EGLN1: variants seen among roughly 807,000 people sequenced by gnomAD.
EGLN1 encodes egl nine homolog 1.
A neutral mutation model predicts 38.3 loss-of-function variants in EGLN1; 17 were observed. The ratio of observed to expected loss-of-function variants is 0.44; its 90% CI spans 0.30 to 0.67. The LOEUF is 0.67. Ranked by LOEUF, EGLN1 falls within the 30% of genes least tolerant of loss-of-function variation. The probability of loss-of-function intolerance (pLI) is 0.08; values close to 1 mark genes in which losing one functional copy is unlikely to be tolerated. For missense variants in EGLN1, 477 were observed against 603.3 expected (o/e 0.79, Z 2.19); for synonymous variants, 283 against 257.5 (o/e 1.10, Z -0.95).
At position 231,421,552 on chromosome 1, in the gene EGLN1, T is replaced by C; in HGVS notation, c.337A>G (p.Lys113Glu). 1 of 1,309,494 alleles carries C rather than the reference T, an allele frequency of 7.6e-7. No homozygotes were observed. Among genetic ancestry groups the C allele is most frequent in the Non-Finnish European group, 9.7e-7 (1 of 1,033,738 alleles). 81.1% of individuals were successfully genotyped at this position (1,309,494 alleles called of 1,614,324 possible). A position where few individuals can be genotyped will look rare whatever the true frequency, so the allele number is the denominator to read the frequency against. Residue 113 changes from lysine (K) to glutamate (E), a missense_variant, in exon 1 of 5, where the codon AAG becomes GAG. Physicochemically the swap from Lys to Glu is moderately conservative, Grantham distance 56. This residue lies in a region of EGLN1 where 298 missense variants were observed against 288.9 expected (regional missense o/e 1.03). Transcript: ENST00000366641. This position sits in a 1 kb window ranked among gnomAD's most constrained non-coding sequence, Gnocchi z 5.5. ...ASGDAAKGKV[K>E]AKPPADPAAA... is the part of the protein sequence containing the mutation. ...GCTGGGTCGGCCGGGGGCTTGGCCT[T>C]TACTTTTCCCTTGGCCGCGTCCCCG...
intron 1 of EGLN1, among the ~76,000 whole-genome samples, chr1:231,407,851 T>C (rs502366): frequency 0.15 from 22,645 of 151,854 alleles, 2,067 homozygotes; most frequent in African/African-American, 0.24. Flanking sequence ...CTAGAAACAG[T>C]ATAGCAAGCA....
At chr1:231,378,398 T>G (rs1688006838) in intron 1 of EGLN1, among the ~76,000 whole-genome samples, 1 of 152,200 alleles carries the variant, frequency 6.6e-6, no homozygotes, top group South Asian at 2.1e-4. Context: ...TATTTATACA[T>G]AAACAAAACA....
chr1:231,396,994 GTCT>G (rs777421813), intron 1 of EGLN1, among the ~76,000 whole-genome samples: 2 of 152,134 alleles, frequency 1.3e-5, no homozygotes, highest in East Asian at 1.9e-4. Context: ...CCTGTTAACA[GTCT>G]TCTTATCTAT....
chr1:231,366,582 T>C (rs1377830310), intron 4 of EGLN1, 107 bp from the exon 5 acceptor site: 3 of 1,126,812 alleles, frequency 2.7e-6, no homozygotes, highest in Middle Eastern at 2.0e-4. Flanking sequence ...ATTTCAACTT[T>C]GCAAACATCA....
intron 1 of EGLN1, among the ~76,000 whole-genome samples, chr1:231,397,706 A>C (rs1230501194): frequency 6.6e-6 from 1 of 152,230 alleles, no homozygotes; most frequent in Non-Finnish European, 1.5e-5. Flanking sequence ...GTTCTACAGA[A>C]GGTATTCAAA....
chr1:231,407,870 C>T (rs1484045914), intron 1 of EGLN1, among the ~76,000 whole-genome samples: 9 of 151,926 alleles, frequency 5.9e-5, no homozygotes, highest in South Asian at 2.1e-4. Flanking sequence ...CAAAGAAAGG[C>T]GAGTTTACCA....
chr1:231,377,895 T>C (rs1215391063), intron 1 of EGLN1, among the ~76,000 whole-genome samples: 1 of 152,074 alleles, frequency 6.6e-6, no homozygotes, highest in African/African-American at 2.4e-5. Flanking sequence ...TTTGAAAAAA[T>C]AAAAGGCAGA....
chr1:231,402,744 C>T (rs1390978778), intron 1 of EGLN1, among the ~76,000 whole-genome samples: 1 of 151,884 alleles, frequency 6.6e-6, no homozygotes, highest in Non-Finnish European at 1.5e-5. Context: ...CTAGGTCTTA[C>T]ATTTAGGTCA....
At chr1:231,370,464 G>A (rs1038440004) in intron 3 of EGLN1, 98 bp downstream of exon 3, 72 of 1,277,620 alleles carry the variant, frequency 5.6e-5, no homozygotes, top group Non-Finnish European at 7.7e-5. Context: ...AAAGTACCTG[G>A]CAGGAAAATA....
rs910291722 is a variant in EGLN1 at position 231,365,454 on chromosome 1, A to G, written c.*957T>C. 1 of 152,122 alleles carries G rather than the reference A, an allele frequency of 6.6e-6. No individual in the cohort carries two copies. Among genetic ancestry groups the G allele is most frequent in the Admixed American group, 6.5e-5 (1 of 15,270 alleles). The allele number at this position is 152,122 out of a possible 1,614,324, so 9.4% of individuals were successfully genotyped here. A position where few individuals can be genotyped will look rare whatever the true frequency, so the allele number is the denominator to read the frequency against. On this transcript the variant is annotated 3_prime_UTR_variant, in exon 5 of 5. Coordinates refer to ENST00000366641, the MANE Select transcript of EGLN1 (RefSeq NM_022051.3). ...TAACTTAAACCCCAGCCTAGGCAAC[A>G]TGGCAAAACCCCGTCTCTACTAAAC...
At chr1:231,418,940 C>T (rs1656450597) in intron 1 of EGLN1, among the ~76,000 whole-genome samples, 1 of 151,876 alleles carries the variant, frequency 6.6e-6, no homozygotes, top group South Asian at 2.1e-4. Context: ...GTTGGTTGCT[C>T]AATATACGGT....
chr1:231,380,980 C>G (rs1007538079), intron 1 of EGLN1, among the ~76,000 whole-genome samples: 3 of 152,096 alleles, frequency 2.0e-5, no homozygotes, highest in African/African-American at 7.2e-5. Flanking sequence ...AGTGCAGTGG[C>G]GTGATCATGG....
rs1301849220 is a variant in EGLN1 at position 231,367,593 on chromosome 1, G to A, written c.1192C>T (p.Arg398Ter). 1.9e-6 allele frequency: 3 copies of A among 1,613,916 alleles called. No individual in the cohort carries two copies. The highest frequency in any genetic ancestry group is 1.7e-6 in the Non-Finnish European group (2 of 1,179,988). Residue 398 changes from arginine to a stop codon, truncating the protein, a stop_gained, in exon 4 of 5, where the codon CGA (arginine) becomes TGA (stop). Coordinates refer to ENST00000366641, the MANE Select transcript of EGLN1 (RefSeq NM_022051.3). LOFTEE classifies it high-confidence loss of function. The stretch of plus-strand genomic sequence containing the variant: ...CCTGTTAGATATTTTACTTTAGCTC[G>A]TGCTCTCTCATCTGCATCAAAATAC... ...VWYFDADERA[R>*]AKVKYLTGEK...
In EGLN1 at chr1:231,422,070, C is replaced by T. The variant is rs998654077; in HGVS notation, c.-182G>A. The T allele has an allele frequency of 1.8e-6, 1 of 549,134 alleles. No individual in the cohort carries two copies. Among genetic ancestry groups the T allele is most frequent in the Non-Finnish European group, 2.8e-6 (1 of 357,904 alleles). 34.0% of individuals were successfully genotyped at this position (549,134 alleles called of 1,614,324 possible). A position where few individuals can be genotyped will look rare whatever the true frequency, so the allele number is the denominator to read the frequency against. On this transcript the variant is annotated 5_prime_UTR_variant, in exon 1 of 5. Coordinates refer to ENST00000366641, the MANE Select transcript of EGLN1 (RefSeq NM_022051.3). ...CCCTCGGCCCGGCCGCTTCCGAGTC[C>T]TAAGCTCCGGCGCAGCGCCGGCAGC...
At chr1:231,409,555 C>T (rs1308828614) in intron 1 of EGLN1, among the ~76,000 whole-genome samples, 7 of 152,156 alleles carry the variant, frequency 4.6e-5, no homozygotes, top group African/African-American at 1.7e-4. Context: ...GACAGGCTTA[C>T]CAATCCTCAT....
chr1:231,379,328 G>A (rs575975847), intron 1 of EGLN1, among the ~76,000 whole-genome samples: 4 of 152,146 alleles, frequency 2.6e-5, no homozygotes, highest in African/African-American at 7.2e-5. Flanking sequence ...TAATAGCCTC[G>A]ATAGGTTCTT....
chr1:231,369,850 A>G (rs1430167432), intron 3 of EGLN1, among the ~76,000 whole-genome samples: 2 of 152,088 alleles, frequency 1.3e-5, no homozygotes, highest in Non-Finnish European at 2.9e-5. Flanking sequence ...TTAATGTGCT[A>G]TTTTTCTACA....
chr1:231,414,685 A>G (rs1440193118), intron 1 of EGLN1, among the ~76,000 whole-genome samples: 2 of 152,130 alleles, frequency 1.3e-5, no homozygotes, highest in African/African-American at 4.8e-5. Flanking sequence ...GCATATTCTC[A>G]AAAATGGCAG....
chr1:231,418,286 C>T (rs757168600), intron 1 of EGLN1, among the ~76,000 whole-genome samples: 1 of 152,116 alleles, frequency 6.6e-6, no homozygotes, highest in Non-Finnish European at 1.5e-5. Context: ...TTTACACAGC[C>T]CAACCATAGA....
Sources: gnomAD v4.1 joint callset for allele counts (sites outside exome capture counted in the v4.1 genomes callset) on GRCh38, gnomAD v4.1.1 for gene constraint, gnomAD v4.1.1 regional missense constraint, Gnocchi (gnomAD v3.1) non-coding constraint, MANE v1.5 for transcripts, NCBI Gene and HGNC (gene_info 2026-07-23, HGNC 2026-07-21) for gene names.